Variants in TIPIN observed in about 807,000 individuals in gnomAD.
TIPIN encodes TIMELESS-interacting protein.
TIPIN carries 29 observed loss-of-function variants against 35.6 expected under a neutral mutation model. That is an observed-to-expected ratio of 0.82 (90% CI 0.61 to 1.11). The LOEUF is 1.11. TIPIN is among the 50% of genes most tolerant of loss of function. The pLI is 0.00. For missense variants in TIPIN, 296 were observed against 345.4 expected (o/e 0.86, Z 1.13); for synonymous variants, 102 against 121.5 (o/e 0.84, Z 1.06).
chr15:66,372,906 G>GA (rs917410174), intron 1 of TIPIN, among the ~76,000 whole-genome samples: 64 of 142,642 alleles, frequency 4.5e-4, no homozygotes, highest in Admixed American at 1.4e-3. Flanking sequence ...CCGTCTTGGG[G>GA]AAAAAAAAAA....
At position 66,366,442 on chromosome 15, in the gene TIPIN, A is replaced by C. The variant is rs558100132; in HGVS notation, c.-8-13487T>G. Among the ~76,000 whole-genome samples, 224 of 151,478 alleles carry C rather than the reference A, an allele frequency of 1.5e-3. 1 individual carries two copies. The highest frequency in any genetic ancestry group is 5.3e-3 in the African/African-American group (217 of 41,298). On this transcript the variant is annotated intron_variant, in intron 1 of 7. Transcript: ENST00000562124. The stretch of plus-strand genomic sequence containing the variant: ...GTACTCTAGCCTGGGCAACAGAGTG[A>C]AATTCTGTCTCAAAAAATAAAGCAC...
Position 66,352,883 on chromosome 15 carries a change from G to A in TIPIN, c.65C>T (p.Thr22Ile). 1 of 1,614,034 alleles carries A rather than the reference G, an allele frequency of 6.2e-7. No homozygotes were observed. Among genetic ancestry groups the A allele is most frequent in the Non-Finnish European group, 8.5e-7 (1 of 1,180,018 alleles). Residue 22 changes from threonine (T) to isoleucine (I), a missense_variant, in exon 2 of 8, where the codon ACT becomes ATT. By Grantham distance (89) the Thr-to-Ile change is moderately conservative. Coordinates refer to ENST00000261881, the MANE Select transcript of TIPIN (RefSeq NM_017858.3). ...LPDYEHVEDE[T>I]FPPFPPPASP... ...GGCTGGAGGTGGGAAAGGAGGAAAA[G>A]TTTCATCTTCTACATGCTCATAATC...
intron 6 of TIPIN, among the ~76,000 whole-genome samples, chr15:66,346,847 A>G (rs1336397092): frequency 1.3e-5 from 2 of 151,816 alleles, no homozygotes; most frequent in African/African-American, 4.8e-5. Context: ...GCTGGAGTGC[A>G]GTGGCGTGAT....
chr15:66,384,899 CA>C (rs2093330713), intron 1 of TIPIN, among the ~76,000 whole-genome samples: 1 of 151,778 alleles, frequency 6.6e-6, no homozygotes, highest in African/African-American at 2.4e-5. Flanking sequence ...GCAAAAAGAG[CA>C]AAACGCCACT....
At chr15:66,380,003 T>TTC (rs2077300403) in intron 1 of TIPIN, 1 of 485,538 alleles carries the variant, frequency 2.1e-6, no homozygotes, top group African/African-American at 3.3e-5. Context: ...TCTTTCTTTC[T>TTC]TTTTTTTTTT....
chr15:66,337,328 CTTTTTT>C, intron 7 of TIPIN, 147 bp from the exon 8 acceptor site: 2 of 404,292 alleles, frequency 4.9e-6, no homozygotes, highest in South Asian at 1.3e-4. Flanking sequence ...CTAAATATAT[CTTTTTT>C]TTTTTTTTTG....
intron 1 of TIPIN, among the ~76,000 whole-genome samples, chr15:66,367,829 CTTTGTT>C (rs2093262623): frequency 7.1e-6 from 1 of 141,538 alleles, no homozygotes; most frequent in Non-Finnish European, 1.5e-5. Context: ...ATACATAAAT[CTTTGTT>C]TTTGTTTTTT....
Position 66,341,171 on chromosome 15 carries a change from TACTC to T in TIPIN, c.657_660del (p.Ser220IlefsTer5), listed in dbSNP as rs1406437041. 1.2e-6 allele frequency: 2 copies of T among 1,611,934 alleles called. No homozygotes were observed. The highest frequency in any genetic ancestry group is 3.3e-5 in the Admixed American group (2 of 60,006). ...TTACCATTTCCTAGGGTCTGACTAT[TACTC>T]AGCAGCTTTGCCTGCCTTCTTTCCA... On this transcript the variant is annotated frameshift_variant, in exon 7 of 8. Coordinates refer to ENST00000261881, the MANE Select transcript of TIPIN (RefSeq NM_017858.3). LOFTEE classifies it high-confidence loss of function.
In TIPIN at chr15:66,379,442, C is replaced by T. The variant is rs540958628; in HGVS notation, c.-9+7165G>A. 66 of 1,604,710 alleles carry T rather than the reference C, an allele frequency of 4.1e-5. No individual in the cohort carries two copies. In the South Asian group the frequency reaches 6.1e-4, roughly 15 times the overall value. Reference sequence around the variant, plus strand: ...CTGTTGTGGCTTGCTGAATCAAAGCCGCTGAATTTGAAACAAGCTCAATGT... The same window carrying T: ...CTGTTGTGGCTTGCTGAATCAAAGCTGCTGAATTTGAAACAAGCTCAATGT... On this transcript the variant is annotated intron_variant, in intron 1 of 7. Coordinates refer to the TIPIN transcript ENST00000562124.
chr15:66,355,699 C>T (rs1274862399), intron 1 of TIPIN, among the ~76,000 whole-genome samples: 4 of 152,030 alleles, frequency 2.6e-5, no homozygotes, highest in African/African-American at 2.4e-5. Context: ...TGCAGTGAGC[C>T]GAGACCGCGC....
At chr15:66,373,871 T>C (rs945527278) in intron 1 of TIPIN, among the ~76,000 whole-genome samples, 1 of 151,776 alleles carries the variant, frequency 6.6e-6, no homozygotes, top group South Asian at 2.1e-4. Context: ...CCTGGCTAAT[T>C]TTTAAATCTT....
chr15:66,376,063 G>C (rs2093295677), intron 1 of TIPIN, among the ~76,000 whole-genome samples: 1 of 152,132 alleles, frequency 6.6e-6, no homozygotes, highest in Non-Finnish European at 1.5e-5. Context: ...TCCAGCCTTT[G>C]CACTGGAAAT....
chr15:66,347,254 G>A (rs778206833), intron 6 of TIPIN: 2 of 518,760 alleles, frequency 3.9e-6, no homozygotes, highest in South Asian at 2.8e-5. Flanking sequence ...TACAGACCCT[G>A]TCGGCAGGAA....
intron 6 of TIPIN, among the ~76,000 whole-genome samples, chr15:66,342,053 G>A (rs1295354984): frequency 3.3e-5 from 5 of 151,864 alleles, no homozygotes; most frequent in Admixed American, 2.6e-4. Flanking sequence ...GCATGGTGGC[G>A]CATGCCTATA....
At chr15:66,381,309 G>A (rs907242208) in intron 1 of TIPIN, among the ~76,000 whole-genome samples, 2 of 151,936 alleles carry the variant, frequency 1.3e-5, no homozygotes, top group African/African-American at 4.8e-5. Context: ...GTGGTGGCGG[G>A]CGCCTGTAAT....
intron 1 of TIPIN, among the ~76,000 whole-genome samples, chr15:66,353,558 G>C (rs1185836155): frequency 1.3e-5 from 2 of 149,442 alleles, no homozygotes; most frequent in Non-Finnish European, 2.9e-5. Context: ...GGAGCTTGCA[G>C]TAAGCCAAGA....
At chr15:66,353,978 C>T (rs2093186902) in intron 1 of TIPIN, among the ~76,000 whole-genome samples, 1 of 152,078 alleles carries the variant, frequency 6.6e-6, no homozygotes, top group Admixed American at 6.6e-5. Context: ...AAAAATTTAG[C>T]CAGGTGTTGT....
chr15:66,380,748 T>C (rs1056943420), intron 1 of TIPIN, among the ~76,000 whole-genome samples: 4 of 151,854 alleles, frequency 2.6e-5, no homozygotes, highest in Non-Finnish European at 5.9e-5. Flanking sequence ...CTGGGAGGCG[T>C]AGGTTGCAGT....
At chr15:66,348,507 T>TA (rs386383314) in intron 6 of TIPIN, 21,620 of 95,032 alleles carry the variant, frequency 0.23, 2,294 homozygotes, top group East Asian at 0.41. Flanking sequence ...CCATCTCTAC[T>TA]AAAAAAAAAA....
Sources: allele counts gnomAD v4.1 joint callset (sites outside exome capture counted in the v4.1 genomes callset), GRCh38; gene constraint gnomAD v4.1.1; transcripts MANE v1.5; gene names NCBI Gene and HGNC (gene_info 2026-07-23, HGNC 2026-07-21).